Variants in NAV2 observed in about 807,000 individuals in gnomAD.
NAV2 encodes the protein helicase, APC down-regulated 1.
NAV2 carries 54 observed loss-of-function variants against 223.2 expected under a neutral mutation model. The ratio of observed to expected loss-of-function variants is 0.24; its 90% CI spans 0.19 to 0.30. NAV2 has a LOEUF of 0.30. Ranked by LOEUF, NAV2 falls within the 10% of genes least tolerant of loss-of-function variation. The probability of loss-of-function intolerance (pLI) is 1.00; values close to 1 mark genes in which losing one functional copy is unlikely to be tolerated. For synonymous variants in NAV2, 1,279 were observed against 1,239.3 expected, an observed-to-expected ratio of 1.03 and a Z score of -0.67; for missense variants, 2,806 against 3,147.5, an observed-to-expected ratio of 0.89 and a Z score of 2.60.
chr11:19,548,009 A>T (rs1019220297), intron 1 of NAV2, among the ~76,000 whole-genome samples: 2 of 152,222 alleles, frequency 1.3e-5, no homozygotes, highest in Non-Finnish European at 2.9e-5. Flanking sequence ...TTAAATAACC[A>T]GCCACACATC....
intron 1 of NAV2, among the ~76,000 whole-genome samples, chr11:19,516,156 T>G (rs1462460794): frequency 1.3e-5 from 2 of 152,156 alleles, no homozygotes; most frequent in Non-Finnish European, 2.9e-5. Flanking sequence ...AGACTTGAGA[T>G]CAAATGAGAT....
rs144928994 is a variant in NAV2 at position 19,768,193 on chromosome 11, G to C, written c.267+54231G>C. Among the ~76,000 whole-genome samples the C allele has an allele frequency of 1.6e-3, 237 of 152,348 alleles. 1 individual carries two copies. The highest frequency in any genetic ancestry group is 2.4e-3 in the Admixed American group (36 of 15,310). On this transcript the variant is annotated intron_variant, in intron 1 of 37. Transcript: ENST00000349880. ...CTCAGGAAAACATTTCCTTGAGAAAGCAGAGGCAGGGAGGCAATCTCTGAA... is the reference window on the plus strand; with the variant it reads ...CTCAGGAAAACATTTCCTTGAGAAACCAGAGGCAGGGAGGCAATCTCTGAA...
intron 1 of NAV2, among the ~76,000 whole-genome samples, chr11:19,570,837 G>A (rs1271494181): frequency 6.6e-6 from 1 of 152,162 alleles, no homozygotes; most frequent in Non-Finnish European, 1.5e-5. Flanking sequence ...TAGTGCTGGT[G>A]GGAATGTAAA....
chr11:20,064,345 A>T (rs1043279147), intron 20 of NAV2, among the ~76,000 whole-genome samples: 1 of 152,190 alleles, frequency 6.6e-6, no homozygotes, highest in Non-Finnish European at 1.5e-5. Flanking sequence ...CTACTGACGG[A>T]GGAAGCTGTA....
chr11:19,584,121 T>C (rs551535098), intron 1 of NAV2, among the ~76,000 whole-genome samples: 13 of 152,250 alleles, frequency 8.5e-5, no homozygotes, highest in African/African-American at 1.2e-4. Flanking sequence ...GTGTATGTAT[T>C]GAGGAATTTA....
At chr11:19,744,664 T>C (rs938729996) in intron 1 of NAV2, among the ~76,000 whole-genome samples, 4 of 152,226 alleles carry the variant, frequency 2.6e-5, no homozygotes, top group Non-Finnish European at 5.9e-5. Flanking sequence ...AAATCACCTC[T>C]ATGAACAGTT....
intron 11 of NAV2, among the ~76,000 whole-genome samples, chr11:20,016,151 G>A (rs927674166): frequency 4.6e-5 from 7 of 152,270 alleles, no homozygotes; most frequent in Middle Eastern, 3.4e-3. Context: ...GAGTAACTTC[G>A]ACCTCTTATG....
intron 1 of NAV2, among the ~76,000 whole-genome samples, chr11:19,480,274 C>T (rs1192022002): frequency 6.6e-6 from 1 of 152,132 alleles, no homozygotes; most frequent in Non-Finnish European, 1.5e-5. Flanking sequence ...CCAGGCACCC[C>T]TTTTTCTTGA....
intron 1 of NAV2, among the ~76,000 whole-genome samples, chr11:19,423,398 G>T (rs1219928029): frequency 6.6e-6 from 1 of 152,230 alleles, no homozygotes; most frequent in Non-Finnish European, 1.5e-5. Context: ...GTGAGGTGCT[G>T]GGAGTAGAGA....
At chr11:19,981,659 A>G (rs1013656281) in intron 10 of NAV2, among the ~76,000 whole-genome samples, 36 of 152,204 alleles carry the variant, frequency 2.4e-4, no homozygotes, top group African/African-American at 8.4e-4. Context: ...AAGAGCTTCC[A>G]CTGAGTTCTC....
chr11:19,784,798 A>G (rs1182246421), intron 1 of NAV2, among the ~76,000 whole-genome samples: 2 of 152,194 alleles, frequency 1.3e-5, no homozygotes, highest in Admixed American at 1.3e-4. Context: ...CATACCTAAT[A>G]GGGATTTTGT....
intron 11 of NAV2, among the ~76,000 whole-genome samples, chr11:20,020,485 G>A (rs1310991426): frequency 6.6e-6 from 1 of 152,162 alleles, no homozygotes; most frequent in African/African-American, 2.4e-5. Context: ...CTCGTTGCCT[G>A]GGTCTCCCTT....
At chr11:19,853,894 T>G (rs1339209030) in intron 3 of NAV2, among the ~76,000 whole-genome samples, 1 of 152,182 alleles carries the variant, frequency 6.6e-6, no homozygotes, top group Non-Finnish European at 1.5e-5. Context: ...CTTAGCAACC[T>G]GGTAGATGCT....
intron 10 of NAV2, among the ~76,000 whole-genome samples, chr11:19,980,507 C>T (rs572960770): frequency 6.6e-6 from 1 of 152,304 alleles, no homozygotes; most frequent in Non-Finnish European, 1.5e-5. Context: ...CAGTGTGAGC[C>T]TCTTATAAAA....
intron 10 of NAV2, among the ~76,000 whole-genome samples, chr11:19,976,707 A>G (rs2049790809): frequency 6.6e-6 from 1 of 152,148 alleles, no homozygotes; most frequent in Non-Finnish European, 1.5e-5. Context: ...TGACCAGAGG[A>G]TTTATCTGGG....
At chr11:19,988,525 G>A (rs2051010999) in intron 11 of NAV2, among the ~76,000 whole-genome samples, 1 of 138,634 alleles carries the variant, frequency 7.2e-6, no homozygotes, top group Non-Finnish European at 1.6e-5. Context: ...AGGAAACCAA[G>A]CAGAAAGGAG....
chr11:19,733,555 C>T (rs976016764), intron 1 of NAV2, among the ~76,000 whole-genome samples: 14 of 152,136 alleles, frequency 9.2e-5, no homozygotes, highest in South Asian at 4.2e-4. Context: ...GCACCTGCAC[C>T]GTTAGTTCCT....
At chr11:19,347,625 G>A (rs1459412265), upstream of NAV2, among the ~76,000 whole-genome samples, 4 of 152,144 alleles carry the variant, frequency 2.6e-5, no homozygotes, top group African/African-American at 9.7e-5. Flanking sequence ...CTCATCTTAT[G>A]GTGCAGTTTG....
intron 6 of NAV2, among the ~76,000 whole-genome samples, chr11:19,894,817 G>A (rs935773734): frequency 5.3e-5 from 8 of 152,254 alleles, no homozygotes; most frequent in South Asian, 2.1e-4. Flanking sequence ...TACAACCTCC[G>A]CCTCCCGGGT....
Sources: allele counts gnomAD v4.1 joint callset (sites outside exome capture counted in the v4.1 genomes callset), GRCh38; gene constraint gnomAD v4.1.1; transcripts MANE v1.5; gene names NCBI Gene and HGNC (gene_info 2026-07-23, HGNC 2026-07-21).